Variants in WWOX observed in about 807,000 individuals in gnomAD.
The protein encoded by WWOX is WW domain-containing oxidoreductase.
WWOX carries 69 observed loss-of-function variants against 46.2 expected under a neutral mutation model. The ratio of observed to expected loss-of-function variants is 1.49; its 90% CI spans 1.23 to 1.82. WWOX has a LOEUF of 1.82. Ranked by LOEUF, WWOX falls within the 40% of genes most tolerant of loss-of-function variation. The probability of loss-of-function intolerance (pLI) is 0.00; values close to 1 mark genes in which losing one functional copy is unlikely to be tolerated. For synonymous variants in WWOX, 359 were observed against 202.6 expected (o/e 1.77, Z -6.56); for missense variants, 919 against 542.6 (o/e 1.69, Z -6.89).
chr16:78,477,736 T>TGC (rs2084386494), intron 8 of WWOX, among the ~76,000 whole-genome samples: 1 of 152,160 alleles, frequency 6.6e-6, no homozygotes, highest in South Asian at 2.1e-4. Context: ...CCATGTTACG[T>TGC]GCGGATAATC....
At chr16:78,755,083 C>G (rs1413314523) in intron 8 of WWOX, among the ~76,000 whole-genome samples, 2 of 151,234 alleles carry the variant, frequency 1.3e-5, no homozygotes, top group East Asian at 3.9e-4. Flanking sequence ...AGCATTAGGA[C>G]ACATATCTAA....
At chr16:78,973,282 G>T (rs766236954) in intron 8 of WWOX, among the ~76,000 whole-genome samples, 2 of 152,108 alleles carry the variant, frequency 1.3e-5, no homozygotes, top group African/African-American at 4.8e-5. Context: ...AGAAGTCCGG[G>T]CTGTCATCCT....
At chr16:78,830,094 T>G (rs2051774638) in intron 8 of WWOX, among the ~76,000 whole-genome samples, 1 of 151,692 alleles carries the variant, frequency 6.6e-6, no homozygotes, top group East Asian at 1.9e-4. Flanking sequence ...AGGGAGACCC[T>G]CATCTCTATA....
intron 5 of WWOX, among the ~76,000 whole-genome samples, chr16:78,294,380 G>A (rs1268507232): frequency 2.0e-5 from 3 of 151,270 alleles, no homozygotes; most frequent in Admixed American, 6.6e-5. Context: ...GTTGTTCCTG[G>A]TCTTGCCACT....
intron 8 of WWOX, among the ~76,000 whole-genome samples, chr16:78,910,224 G>A (rs536866325): frequency 3.3e-4 from 50 of 152,192 alleles, no homozygotes; most frequent in African/African-American, 1.0e-3. Flanking sequence ...GTCACTTCAA[G>A]GGGGAGATTT....
At chr16:78,176,104 T>C (rs572752882) in intron 5 of WWOX, among the ~76,000 whole-genome samples, 1 of 152,210 alleles carries the variant, frequency 6.6e-6, no homozygotes, top group Non-Finnish European at 1.5e-5. Context: ...CTCCCTCATA[T>C]TGAAGGCAGA....
intron 8 of WWOX, among the ~76,000 whole-genome samples, chr16:78,609,557 T>C (rs1256239284): frequency 6.6e-6 from 1 of 151,946 alleles, no homozygotes; most frequent in Non-Finnish European, 1.5e-5. Flanking sequence ...TTTTTTCTTT[T>C]TCCCAGACTC....
At chr16:78,830,212 C>A (rs1376649936) in intron 8 of WWOX, among the ~76,000 whole-genome samples, 2 of 152,312 alleles carry the variant, frequency 1.3e-5, no homozygotes, top group East Asian at 3.9e-4. Context: ...AGGAAAGAAG[C>A]AGTGTTAACA....
At chr16:78,359,624 A>T (rs773738148) in intron 5 of WWOX, among the ~76,000 whole-genome samples, 2 of 152,240 alleles carry the variant, frequency 1.3e-5, no homozygotes, top group Non-Finnish European at 2.9e-5. Flanking sequence ...TACATTTAAC[A>T]TACTAAATAT....
chr16:79,001,331 G>T (rs988199226), intron 8 of WWOX, among the ~76,000 whole-genome samples: 1 of 151,908 alleles, frequency 6.6e-6, no homozygotes, highest in African/African-American at 2.4e-5. Flanking sequence ...CTCAGCAGGA[G>T]AGTCAGGATG....
chr16:79,053,854 G>C (rs1173322633), intron 8 of WWOX, among the ~76,000 whole-genome samples: 1 of 152,114 alleles, frequency 6.6e-6, no homozygotes, highest in Non-Finnish European at 1.5e-5. Flanking sequence ...GGAAGAGTTT[G>C]CCAGCCCGAA....
intron 8 of WWOX, among the ~76,000 whole-genome samples, chr16:78,633,528 G>A (rs1267418636): frequency 6.6e-6 from 1 of 152,176 alleles, no homozygotes; most frequent in Non-Finnish European, 1.5e-5. Flanking sequence ...CTAACGCATG[G>A]CAACGCTGGT....
chr16:78,942,678 CTAA>C (rs564314715), intron 8 of WWOX, among the ~76,000 whole-genome samples: 44 of 152,284 alleles, frequency 2.9e-4, no homozygotes, highest in African/African-American at 1.0e-3. Context: ...GGAATGAGCA[CTAA>C]TGAGGACCTT....
At chr16:78,874,155 C>G (rs540609826) in intron 8 of WWOX, among the ~76,000 whole-genome samples, 67 of 151,136 alleles carry the variant, frequency 4.4e-4, no homozygotes, top group African/African-American at 1.6e-3. Context: ...ACTCGAGTGG[C>G]TGAGGCAGGA....
intron 8 of WWOX, among the ~76,000 whole-genome samples, chr16:78,597,548 T>A (rs1044547938): frequency 6.6e-6 from 1 of 152,202 alleles, no homozygotes. Flanking sequence ...TGGTGACCTG[T>A]TTTAAGAAAA....
intron 8 of WWOX, among the ~76,000 whole-genome samples, chr16:78,678,527 A>G (rs2047656586): frequency 6.6e-6 from 1 of 152,232 alleles, no homozygotes; most frequent in Admixed American, 6.5e-5. Context: ...AAAGCTGGGC[A>G]AGGCGGAGAT....
intron 4 of WWOX, among the ~76,000 whole-genome samples, chr16:78,117,607 C>T (rs866858992): frequency 6.6e-6 from 1 of 152,136 alleles, no homozygotes; most frequent in Non-Finnish European, 1.5e-5. Context: ...TAGAAAGTGT[C>T]CTTGCCCAAG....
intron 8 of WWOX, among the ~76,000 whole-genome samples, chr16:78,619,205 A>T (rs1567441352): frequency 1.8e-5 from 1 of 56,246 alleles, no homozygotes; most frequent in African/African-American, 7.1e-5. Flanking sequence ...ATATATATAT[A>T]TATATATATG....
intron 8 of WWOX, among the ~76,000 whole-genome samples, chr16:78,905,671 C>G (rs1377476414): frequency 6.6e-6 from 1 of 152,184 alleles, no homozygotes; most frequent in Admixed American, 6.5e-5. Flanking sequence ...GCATGAGCCA[C>G]CTGGCCCAGC....
Sources: allele counts gnomAD v4.1 joint callset (sites outside exome capture counted in the v4.1 genomes callset), GRCh38; gene constraint gnomAD v4.1.1; transcripts MANE v1.5; gene names NCBI Gene and HGNC (gene_info 2026-07-23, HGNC 2026-07-21).